GRHPR: variants seen among roughly 807,000 people sequenced by gnomAD.
GRHPR encodes the protein glyoxylate and hydroxypyruvate reductase.
GRHPR carries 35 observed loss-of-function variants against 36.8 expected under a neutral mutation model. The observed-to-expected ratio is 0.95, with a 90% CI of 0.73 to 1.26. The LOEUF (loss-of-function observed/expected upper bound fraction) is 1.26, where lower values mean the gene tolerates loss of function less well. Among genes scored for constraint, GRHPR ranks in the 50% most tolerant of loss-of-function variants. The pLI, the probability that GRHPR is intolerant of heterozygous loss-of-function variation, is 0.00. For synonymous variants in GRHPR, 179 were observed against 181.0 expected, an observed-to-expected ratio of 0.99 and a Z score of 0.09; for missense variants, 380 against 435.0, an observed-to-expected ratio of 0.87 and a Z score of 1.12.
rs309460 is a variant in GRHPR, at chr9:37,429,500, C to T, written c.494-232C>T. The T allele has an allele frequency of 0.66, 385,542 of 587,978 alleles. 130,646 individuals carry two copies. Among genetic ancestry groups the T allele is most frequent in the East Asian group, 0.86 (28,150 of 32,812 alleles). The allele number at this position is 587,978 out of a possible 1,614,324, so 36.4% of individuals were successfully genotyped here. ...TGAGGACAGCATCAGCCAGTCACAG[C>T]CTCAGGGGAGCTGAGGTGCTGTCTC... On this transcript the variant is annotated intron_variant, in intron 5 of 8. Coordinates refer to ENST00000318158, the MANE Select transcript of GRHPR (RefSeq NM_012203.2).
chr9:37,430,475 G>A (rs1217538600), intron 6 of GRHPR, 36 bp from the exon 7 acceptor site: 2 of 1,600,734 alleles, frequency 1.2e-6, no homozygotes, highest in East Asian at 2.2e-5. Context: ...CCCTAGCCTG[G>A]GACTCAGTGC....
chr9:37,426,424 C>T (rs536938881), intron 3 of GRHPR, 114 bp from the exon 4 acceptor site: 163 of 808,624 alleles, frequency 2.0e-4, no homozygotes, highest in South Asian at 1.3e-3. Context: ...TAGTTCTGAG[C>T]TTCCTGGCAG....
chr9:37,425,550 G>A (rs1344741542), intron 2 of GRHPR, among the ~76,000 whole-genome samples: 1 of 152,228 alleles, frequency 6.6e-6, no homozygotes, highest in Non-Finnish European at 1.5e-5. Flanking sequence ...TGCAGGAGAG[G>A]GTAGAGAGGG....
chr9:37,428,427 C>T (rs376052610), intron 4 of GRHPR, 57 bp from the exon 5 acceptor site: 18 of 1,123,708 alleles, frequency 1.6e-5, no homozygotes, highest in Middle Eastern at 2.6e-4. Context: ...GGGTTCTCAG[C>T]GGCCCCCATC....
At chr9:37,429,463 G>T in intron 5 of GRHPR, 1 of 514,086 alleles carries the variant, frequency 1.9e-6, no homozygotes, top group Non-Finnish European at 3.6e-6. Flanking sequence ...TTTCCAGATG[G>T]CTTGGACCAT....
intron 8 of GRHPR, among the ~76,000 whole-genome samples, chr9:37,433,503 G>T (rs1422493268): frequency 6.6e-6 from 1 of 152,114 alleles, no homozygotes; most frequent in East Asian, 1.9e-4. Context: ...CAAAGTGCTG[G>T]GATTACAGGC....
chr9:37,429,584 C>A, intron 5 of GRHPR, 148 bp from the exon 6 acceptor site: 2 of 738,356 alleles, frequency 2.7e-6, no homozygotes, highest in East Asian at 2.5e-5. Context: ...CAGCCAGCCC[C>A]CCACCCGCTT....
At chr9:37,422,989 G>A (rs1822908306) in intron 1 of GRHPR, among the ~76,000 whole-genome samples, 156 bp downstream of exon 1, 2 of 152,122 alleles carry the variant, frequency 1.3e-5, no homozygotes, top group African/African-American at 4.8e-5. Context: ...CTCTTAAGAC[G>A]ACGCTGGGAC....
At chr9:37,425,853 A>G in intron 2 of GRHPR, 69 bp from the exon 3 acceptor site, 2 of 957,836 alleles carry the variant, frequency 2.1e-6, no homozygotes, top group Non-Finnish European at 3.4e-6. Flanking sequence ...TGTCCCCATG[A>G]TAGTCCCCAG....
chr9:37,426,818 G>T (rs1823105070), intron 4 of GRHPR, among the ~76,000 whole-genome samples, 164 bp downstream of exon 4: 1 of 152,126 alleles, frequency 6.6e-6, no homozygotes, highest in Non-Finnish European at 1.5e-5. Context: ...GGGTGTGGTG[G>T]TGGGTCCCTG....
chr9:37,422,669 C>G, upstream of GRHPR: 5 of 1,160,232 alleles, frequency 4.3e-6, no homozygotes, highest in East Asian at 2.6e-5. Flanking sequence ...CCCGCCCACT[C>G]CAGCCTGGCC....
downstream of GRHPR, among the ~76,000 whole-genome samples, chr9:37,437,807 A>G (rs1823743888): frequency 6.6e-6 from 1 of 152,144 alleles, no homozygotes; most frequent in African/African-American, 2.4e-5. Flanking sequence ...CCAGCAGCCA[A>G]GCCAAACTGG....
At chr9:37,429,588 C>A in intron 5 of GRHPR, 144 bp from the exon 6 acceptor site, 3 of 743,766 alleles carry the variant, frequency 4.0e-6, no homozygotes, top group Admixed American at 1.8e-5. Context: ...CAGCCCCCCA[C>A]CCGCTTTGGA....
intron 7 of GRHPR, chr9:37,431,558 T>C: frequency 4.0e-6 from 1 of 252,410 alleles, no homozygotes; most frequent in Non-Finnish European, 7.8e-6. Flanking sequence ...TGCCCTGGTT[T>C]AGACAGGTAC....
intron 8 of GRHPR, chr9:37,432,703 G>C (rs1396521920): frequency 1.1e-5 from 2 of 180,960 alleles, no homozygotes; most frequent in Non-Finnish European, 2.4e-5. Flanking sequence ...AACAAAGTGG[G>C]CTGACTACAT....
chr9:37,428,349 G>T, intron 4 of GRHPR, 135 bp from the exon 5 acceptor site: 3 of 716,296 alleles, frequency 4.2e-6, no homozygotes, highest in Non-Finnish European at 7.7e-6. Flanking sequence ...GAGTGGCAGT[G>T]CCTCATCCCA....
chr9:37,439,265 G>C (rs1823805644), downstream of GRHPR: 1 of 152,234 alleles, frequency 6.6e-6, no homozygotes, highest in Non-Finnish European at 1.5e-5. Flanking sequence ...GTAGGGCCCA[G>C]AGAGGCCCTA....
intron 8 of GRHPR, among the ~76,000 whole-genome samples, chr9:37,433,648 T>TG (rs1823488832): frequency 6.6e-6 from 1 of 152,172 alleles, no homozygotes; most frequent in Non-Finnish European, 1.5e-5. Flanking sequence ...TGACAGAGTG[T>TG]GCTCCTCACG....
chr9:37,432,438 G>C (rs947384573), intron 8 of GRHPR: 2 of 356,918 alleles, frequency 5.6e-6, no homozygotes, highest in African/African-American at 2.1e-5. Context: ...CCAGCACTTT[G>C]GGAGGCTGAG....
Sources: allele counts gnomAD v4.1 joint callset (sites outside exome capture counted in the v4.1 genomes callset), GRCh38; gene constraint gnomAD v4.1.1; transcripts MANE v1.5; gene names NCBI Gene and HGNC (gene_info 2026-07-23, HGNC 2026-07-21).